The following SLC24A2 variants were observed in gnomAD, a reference collection of about 807,000 sequenced individuals.
The protein encoded by SLC24A2 is sodium/potassium/calcium exchanger 2.
SLC24A2 carries 36 observed loss-of-function variants against 62.0 expected under a neutral mutation model. The observed-to-expected ratio is 0.58, with a 90% CI of 0.44 to 0.77. The LOEUF is 0.77. Among genes scored for constraint, SLC24A2 ranks in the 30% least tolerant of loss-of-function variants. The probability of loss-of-function intolerance (pLI) is 0.00; values close to 1 mark genes in which losing one functional copy is unlikely to be tolerated. For missense variants in SLC24A2, 846 were observed against 817.9 expected, an observed-to-expected ratio of 1.03 and a Z score of -0.42; for synonymous variants, 358 against 294.0, an observed-to-expected ratio of 1.22 and a Z score of -2.23.
chr9:19,751,773 C>A (rs966328922), intron 2 of SLC24A2, among the ~76,000 whole-genome samples: 2 of 152,128 alleles, frequency 1.3e-5, no homozygotes, highest in African/African-American at 4.8e-5. Context: ...GACCATGGCT[C>A]TTTCTTTAGC....
the SLC24A2 span, among the ~76,000 whole-genome samples, chr9:20,193,742 G>T: frequency 6.6e-6 from 1 of 152,062 alleles, no homozygotes; most frequent in Non-Finnish European, 1.5e-5. Context: ...GAGACACTAA[G>T]TTCTTAAACA....
At chr9:20,076,878 T>TATAC in the SLC24A2 span, among the ~76,000 whole-genome samples, 1 of 120,076 alleles carries the variant, frequency 8.3e-6, no homozygotes, top group African/African-American at 3.3e-5. Context: ...TATATATATA[T>TATAC]ATACATATCA....
the SLC24A2 span, among the ~76,000 whole-genome samples, chr9:19,934,438 C>T: frequency 1.3e-5 from 2 of 152,248 alleles, no homozygotes; most frequent in African/African-American, 2.4e-5. This position sits in a 1 kb window ranked among gnomAD's most constrained non-coding sequence, Gnocchi z 4.1. Flanking sequence ...CCGCGCACCC[C>T]CGGGCTCCCG....
chr9:20,008,731 A>C, the SLC24A2 span, among the ~76,000 whole-genome samples: 2 of 152,130 alleles, frequency 1.3e-5, no homozygotes, highest in South Asian at 2.1e-4. Flanking sequence ...CTCATGCCCC[A>C]AATTCCAAAT....
Position 19,786,750 on chromosome 9 carries a change from G to A in SLC24A2, c.117C>T (p.Val39=), listed in dbSNP as rs1240698479. ...SVKKKLKLIR[V]LGLFMGLVAI... Reference sequence around the variant, plus strand: ...CTACCAGACCCATGAAAAGGCCTAAGACTCGAATTAACTTCAGTTTTTTCT... The same window carrying A: ...CTACCAGACCCATGAAAAGGCCTAAAACTCGAATTAACTTCAGTTTTTTCT... The change falls in exon 2 of 11, where the codon GTC becomes GTT. Residue 39 remains valine, a synonymous_variant. Transcript: ENST00000341998. The surrounding 1 kb of genome is among the most constrained non-coding windows in gnomAD (Gnocchi z 5.0). The A allele has an allele frequency of 6.2e-7, 1 of 1,602,842 alleles. No individual in the cohort carries two copies. The highest frequency in any genetic ancestry group is 8.5e-7 in the Non-Finnish European group (1 of 1,173,978).
intron 2 of SLC24A2, among the ~76,000 whole-genome samples, chr9:19,760,279 C>G (rs1822279270): frequency 6.6e-6 from 1 of 152,150 alleles, no homozygotes; most frequent in Non-Finnish European, 1.5e-5. Context: ...AAGGACAACG[C>G]ACCAGTAATT....
At chr9:19,801,488 G>A in the SLC24A2 span, among the ~76,000 whole-genome samples, 97 of 152,330 alleles carry the variant, frequency 6.4e-4, no homozygotes, top group Non-Finnish European at 1.2e-3. Flanking sequence ...CGGACCAGAA[G>A]AGTGTAGTTG....
the SLC24A2 span, among the ~76,000 whole-genome samples, chr9:20,072,517 G>A: frequency 1.3e-5 from 2 of 151,868 alleles, no homozygotes; most frequent in Non-Finnish European, 2.9e-5. Context: ...GTTATATAGC[G>A]ATCTATATAA....
the SLC24A2 span, among the ~76,000 whole-genome samples, chr9:19,889,808 T>C: frequency 0.4 from 61,247 of 152,014 alleles, 12,913 homozygotes; most frequent in East Asian, 0.82. Context: ...TAGTTTTTTC[T>C]TTTGCTCCAC....
the SLC24A2 span, among the ~76,000 whole-genome samples, chr9:20,305,888 T>C: frequency 6.6e-6 from 1 of 152,126 alleles, no homozygotes; most frequent in Admixed American, 6.5e-5. Context: ...TGGGCAGGGT[T>C]GGTTTCTTCA....
chr9:20,031,658 T>C, the SLC24A2 span, among the ~76,000 whole-genome samples: 72,131 of 151,718 alleles, frequency 0.48, 18,381 homozygotes, highest in East Asian at 0.72. Flanking sequence ...GTAAAAGGTG[T>C]CACTACAAAA....
chr9:20,157,561 A>C, the SLC24A2 span, among the ~76,000 whole-genome samples: 1 of 151,662 alleles, frequency 6.6e-6, no homozygotes, highest in Admixed American at 6.6e-5. Context: ...CTACACCTAT[A>C]GGAAAGGGAC....
At chr9:19,876,945 G>T in the SLC24A2 span, among the ~76,000 whole-genome samples, 2 of 151,970 alleles carry the variant, frequency 1.3e-5, no homozygotes. Context: ...TTCTTCATTA[G>T]GAGAAATATT....
chr9:20,013,474 A>C, the SLC24A2 span, among the ~76,000 whole-genome samples: 1 of 152,192 alleles, frequency 6.6e-6, no homozygotes, highest in South Asian at 2.1e-4. Flanking sequence ...AGAAAACATG[A>C]GGGAAATGCT....
chr9:19,629,687 C>A (rs1385955955), intron 2 of SLC24A2, among the ~76,000 whole-genome samples: 2 of 152,108 alleles, frequency 1.3e-5, no homozygotes, highest in Admixed American at 6.6e-5. Context: ...CCCTGGTGGT[C>A]CCAGTTATCA....
At chr9:19,722,534 C>G (rs1821056918) in intron 2 of SLC24A2, among the ~76,000 whole-genome samples, 1 of 151,716 alleles carries the variant, frequency 6.6e-6, no homozygotes, top group African/African-American at 2.4e-5. Context: ...CAGGATAAGT[C>G]AAGATAATCT....
the SLC24A2 span, among the ~76,000 whole-genome samples, chr9:20,266,671 T>C: frequency 6.6e-6 from 1 of 152,240 alleles, no homozygotes; most frequent in African/African-American, 2.4e-5. Context: ...TTCACAACTT[T>C]ATTTTTCTGA....
chr9:20,063,124 C>T, the SLC24A2 span, among the ~76,000 whole-genome samples: 1 of 133,778 alleles, frequency 7.5e-6, no homozygotes, highest in African/African-American at 3.0e-5. Flanking sequence ...CCATTTGACA[C>T]AGCCATCCCA....
intron 2 of SLC24A2, among the ~76,000 whole-genome samples, chr9:19,734,564 A>G (rs1293366263): frequency 6.6e-6 from 1 of 152,104 alleles, no homozygotes; most frequent in Admixed American, 6.6e-5. Flanking sequence ...TACTTCGTTG[A>G]GCAGTGGTTT....
Sources: gnomAD v4.1 joint callset for allele counts (sites outside exome capture counted in the v4.1 genomes callset) on GRCh38, gnomAD v4.1.1 for gene constraint, Gnocchi (gnomAD v3.1) non-coding constraint, MANE v1.5 for transcripts, NCBI Gene and HGNC (gene_info 2026-07-23, HGNC 2026-07-21) for gene names.